The following PRR16 variants were observed in gnomAD, a reference collection of about 807,000 sequenced individuals.
The protein encoded by PRR16 is protein Largen.
A neutral mutation model predicts 18.2 loss-of-function variants in PRR16; 6 were observed. The ratio of observed to expected loss-of-function variants is 0.33; its 90% CI spans 0.18 to 0.65. The LOEUF is 0.65. Among genes scored for constraint, PRR16 ranks in the 30% least tolerant of loss-of-function variants. The pLI is 0.74. For synonymous variants in PRR16, 151 were observed against 147.8 expected, an observed-to-expected ratio of 1.02 and a Z score of -0.16; for missense variants, 412 against 376.6, an observed-to-expected ratio of 1.09 and a Z score of -0.78.
At chr5:120,607,962 C>T (rs555853624) in intron 1 of PRR16, among the ~76,000 whole-genome samples, 20 of 151,982 alleles carry the variant, frequency 1.3e-4, no homozygotes, top group African/African-American at 4.1e-4. Flanking sequence ...CTTTGAATCA[C>T]GACTTTCTCC....
At chr5:120,631,772 C>G (rs1335983264) in intron 1 of PRR16, among the ~76,000 whole-genome samples, 6 of 152,144 alleles carry the variant, frequency 3.9e-5, no homozygotes, top group Non-Finnish European at 7.4e-5. Context: ...TAGCCGAAGA[C>G]AAAGGTCATA....
intron 1 of PRR16, among the ~76,000 whole-genome samples, chr5:120,589,850 A>G (rs908661122): frequency 1.3e-5 from 2 of 152,120 alleles, no homozygotes; most frequent in African/African-American, 4.8e-5. Context: ...GAGCCAAACC[A>G]TATCAGGCAT....
Position 120,686,620 on chromosome 5 carries a change from C to A in PRR16, c.826C>A (p.Pro276Thr). The A allele has an allele frequency of 1.9e-6, 3 of 1,611,510 alleles. No homozygotes were observed. The highest frequency in any genetic ancestry group is 2.5e-6 in the Non-Finnish European group (3 of 1,178,404). ...GGGAATAAGCCACAGTAACAGCTTCCCCCCTATCAGACCTGCAACTGTGCC... is the reference window on the plus strand; with the variant it reads ...GGGAATAAGCCACAGTAACAGCTTCACCCCTATCAGACCTGCAACTGTGCC... ...GMGISHSNSFPPIRPATVPPP... is the reference protein window; with the variant it reads ...GMGISHSNSFTPIRPATVPPP... The change falls in exon 2 of 2, where the codon CCC (proline) becomes ACC (threonine). Residue 276 changes from proline to threonine, a missense_variant. Transcript: ENST00000407149.
chr5:120,573,433 A>G (rs761615602), intron 1 of PRR16, among the ~76,000 whole-genome samples: 1 of 152,164 alleles, frequency 6.6e-6, no homozygotes, highest in Non-Finnish European at 1.5e-5. Context: ...TCACACCATT[A>G]TCTGTTGTCT....
intron 1 of PRR16, among the ~76,000 whole-genome samples, chr5:120,490,048 T>C (rs948288001): frequency 2.0e-5 from 3 of 152,198 alleles, no homozygotes; most frequent in Non-Finnish European, 4.4e-5. Flanking sequence ...CTTCCCTTTG[T>C]GGGTAACCCG....
chr5:120,780,293 T>A, the PRR16 span, among the ~76,000 whole-genome samples: 3 of 152,188 alleles, frequency 2.0e-5, no homozygotes, highest in African/African-American at 7.2e-5. Flanking sequence ...TACTATAGAA[T>A]TGCACATAAA....
chr5:120,483,466 A>ACAT (rs1252402445), intron 1 of PRR16, among the ~76,000 whole-genome samples: 1 of 119,324 alleles, frequency 8.4e-6, no homozygotes, highest in Admixed American at 8.9e-5. Flanking sequence ...CATACATACA[A>ACAT]ACACAGCTTC....
chr5:120,535,579 C>A (rs892690569), intron 1 of PRR16, among the ~76,000 whole-genome samples: 2 of 149,212 alleles, frequency 1.3e-5, no homozygotes, highest in African/African-American at 4.9e-5. Flanking sequence ...GCGGGAGGAT[C>A]GCTTGAGCTC....
At chr5:120,555,497 A>G (rs1034253461) in intron 1 of PRR16, among the ~76,000 whole-genome samples, 1 of 151,772 alleles carries the variant, frequency 6.6e-6, no homozygotes, top group Non-Finnish European at 1.5e-5. Flanking sequence ...CTGTATTCTC[A>G]CATGGTGGTG....
intron 1 of PRR16, among the ~76,000 whole-genome samples, chr5:120,638,874 T>A (rs1297061636): frequency 1.3e-5 from 2 of 152,092 alleles, no homozygotes; most frequent in Non-Finnish European, 2.9e-5. Flanking sequence ...GGCCCCAATA[T>A]AATGAATCAT....
intron 1 of PRR16, among the ~76,000 whole-genome samples, chr5:120,585,352 G>A (rs1007297818): frequency 2.8e-4 from 43 of 152,160 alleles, no homozygotes; most frequent in Non-Finnish European, 6.0e-4. Flanking sequence ...GCTCATGCCT[G>A]TAATCCCAGC....
chr5:120,624,431 C>T (rs1351766301), intron 1 of PRR16, among the ~76,000 whole-genome samples: 1 of 152,066 alleles, frequency 6.6e-6, no homozygotes, highest in Non-Finnish European at 1.5e-5. Flanking sequence ...TTTGCCTTTT[C>T]CAGTAATATA....
At chr5:120,574,851 C>G (rs1377367609) in intron 1 of PRR16, among the ~76,000 whole-genome samples, 1 of 148,736 alleles carries the variant, frequency 6.7e-6, no homozygotes, top group Non-Finnish European at 1.5e-5. Flanking sequence ...TGTACTAAAG[C>G]TGAAAACAAT....
intron 1 of PRR16, among the ~76,000 whole-genome samples, chr5:120,654,558 A>G (rs1755902613): frequency 6.6e-6 from 1 of 151,966 alleles, no homozygotes; most frequent in East Asian, 1.9e-4. Flanking sequence ...GCTAAAAAAA[A>G]TCTCAAATTA....
At chr5:120,491,098 C>G (rs1380157601) in intron 1 of PRR16, among the ~76,000 whole-genome samples, 9 of 152,152 alleles carry the variant, frequency 5.9e-5, no homozygotes, top group African/African-American at 2.2e-4. Context: ...TACTCGGGGT[C>G]AGGGACGCAC....
At position 120,668,013 on chromosome 5, in the gene PRR16, A is replaced by G. The variant is rs539273181; in HGVS notation, c.160-17941A>G. ...AGTTCAATTCCTGGGTATCCTTGTT[A>G]ACTTTCTGTCTCGTGGATCTGTCTA... On this transcript the variant is annotated intron_variant, in intron 1 of 1. Coordinates refer to ENST00000407149, the MANE Select transcript of PRR16 (RefSeq NM_001300783.2). Among the ~76,000 whole-genome samples the G allele has an allele frequency of 2.3e-3, 347 of 152,090 alleles. 1 individual carries two copies. The highest frequency in any genetic ancestry group is 3.5e-3 in the Non-Finnish European group (236 of 67,986).
At chr5:120,468,858 A>G (rs1749182634) in intron 1 of PRR16, among the ~76,000 whole-genome samples, 1 of 152,210 alleles carries the variant, frequency 6.6e-6, no homozygotes, top group Non-Finnish European at 1.5e-5. Flanking sequence ...TATGATTTCA[A>G]GTAACAAGGC....
chr5:120,629,434 A>T (rs1754981899), intron 1 of PRR16, among the ~76,000 whole-genome samples: 1 of 152,088 alleles, frequency 6.6e-6, no homozygotes, highest in Non-Finnish European at 1.5e-5. Context: ...TTGTAACATT[A>T]TTTCTAAAAT....
chr5:120,675,331 T>G lies in PRR16; in HGVS notation c.160-10623T>G, dbSNP rs143666165. The stretch of plus-strand genomic sequence containing the variant: ...CATATTTTTATAGCAAGGATTTCAG[T>G]TTTTTTTTAAGGTTATTAGCTGTTA... On this transcript the variant is annotated intron_variant, in intron 1 of 1. Transcript: ENST00000407149. Among the ~76,000 whole-genome samples the G allele has an allele frequency of 2.2e-3, 334 of 152,076 alleles. 4 individuals are homozygous for G. Among genetic ancestry groups the G allele is most frequent in the Middle Eastern group, 0.01 (3 of 294 alleles).
Sources: allele counts gnomAD v4.1 joint callset (sites outside exome capture counted in the v4.1 genomes callset), GRCh38; gene constraint gnomAD v4.1.1; transcripts MANE v1.5; gene names NCBI Gene and HGNC (gene_info 2026-07-23, HGNC 2026-07-21).